Variants in IMMP2L observed in about 807,000 individuals in gnomAD.
The protein encoded by IMMP2L is inner mitochondrial membrane peptidase subunit 2.
Under a neutral mutation model 19.3 loss-of-function variants are expected in IMMP2L, and 18 were observed. That is an observed-to-expected ratio of 0.93 (90% confidence interval 0.64 to 1.38). The LOEUF is 1.38. IMMP2L is among the 40% of genes most tolerant of loss of function. The pLI is 0.00. For missense variants in IMMP2L, 233 were observed against 218.2 expected (o/e 1.07, Z -0.43); for synonymous variants, 76 against 73.0 (o/e 1.04, Z -0.21).
intron 3 of IMMP2L, among the ~76,000 whole-genome samples, chr7:111,186,071 G>A (rs189442045): frequency 2.0e-5 from 3 of 152,040 alleles, no homozygotes; most frequent in African/African-American, 7.2e-5. Flanking sequence ...AAATTTTAAA[G>A]TATTTTGCTA....
chr7:111,142,011 T>C (rs1245661420), intron 3 of IMMP2L, among the ~76,000 whole-genome samples: 1 of 152,170 alleles, frequency 6.6e-6, no homozygotes. Context: ...AAGATCAGTA[T>C]TCAATTTTGC....
chr7:110,907,481 G>A (rs568657899), intron 4 of IMMP2L, among the ~76,000 whole-genome samples: 2 of 152,146 alleles, frequency 1.3e-5, no homozygotes, highest in Non-Finnish European at 2.9e-5. Flanking sequence ...CTGAGTCCAG[G>A]GTTTTTATGG....
At chr7:111,136,567 T>C (rs1320188263) in intron 3 of IMMP2L, among the ~76,000 whole-genome samples, 1 of 152,212 alleles carries the variant, frequency 6.6e-6, no homozygotes, top group Non-Finnish European at 1.5e-5. Flanking sequence ...CACTCTTCTC[T>C]GGATATGATT....
chr7:110,879,207 A>G (rs1234695285), intron 5 of IMMP2L, among the ~76,000 whole-genome samples: 1 of 152,094 alleles, frequency 6.6e-6, no homozygotes, highest in Non-Finnish European at 1.5e-5. Context: ...CCTGGTCAAC[A>G]TGGTGAAACC....
At chr7:111,466,337 G>C (rs1439208894) in intron 3 of IMMP2L, among the ~76,000 whole-genome samples, 1 of 152,068 alleles carries the variant, frequency 6.6e-6, no homozygotes, top group Non-Finnish European at 1.5e-5. Context: ...AAAACTTAAA[G>C]TATAATAAAA....
At chr7:110,826,927 T>A (rs191684117) in intron 5 of IMMP2L, among the ~76,000 whole-genome samples, 3 of 152,136 alleles carry the variant, frequency 2.0e-5, no homozygotes, top group Admixed American at 2.0e-4. Flanking sequence ...GTGAAACTGG[T>A]ATGTATTTTT....
At chr7:110,886,471 A>T in intron 5 of IMMP2L, 122 bp downstream of exon 5, 1 of 627,256 alleles carries the variant, frequency 1.6e-6, no homozygotes, top group African/African-American at 1.8e-5. Context: ...TCAAACATAA[A>T]CTATTCCAGT....
chr7:110,919,958 C>A (rs1202752706), intron 4 of IMMP2L, among the ~76,000 whole-genome samples: 2 of 152,124 alleles, frequency 1.3e-5, no homozygotes, highest in Non-Finnish European at 2.9e-5. Context: ...ACTTGGCTTG[C>A]TGAGTCTTCT....
intron 3 of IMMP2L, among the ~76,000 whole-genome samples, chr7:111,043,025 T>C (rs534967324): frequency 6.6e-6 from 1 of 152,280 alleles, no homozygotes; most frequent in African/African-American, 2.4e-5. Context: ...TTTCTATTTC[T>C]ACAGCTGATA....
At chr7:111,073,829 T>C (rs1035669214) in intron 3 of IMMP2L, among the ~76,000 whole-genome samples, 15 of 152,348 alleles carry the variant, frequency 9.8e-5, no homozygotes, top group Non-Finnish European at 1.9e-4. Flanking sequence ...TAATGGTCTG[T>C]ACACTAATGT....
Position 111,243,432 on chromosome 7 carries a change from T to C in IMMP2L, c.239+243806A>G, listed in dbSNP as rs1815411479. On this transcript the variant is annotated intron_variant, in intron 3 of 5. Coordinates refer to ENST00000405709, the MANE Select transcript of IMMP2L (RefSeq NM_032549.4). The stretch of plus-strand genomic sequence containing the variant: ...GTAATTTCCACAATAGGTTTTCCAG[T>C]CCTTCATGTTTTACATATATAATTT... 2.0e-5 allele frequency among the ~76,000 whole-genome samples: 3 copies of C among 151,994 alleles called. 1 individual carries two copies. The highest frequency in any genetic ancestry group is 4.1e-4 in the South Asian group (2 of 4,830).
chr7:110,918,392 T>A (rs187526974), intron 4 of IMMP2L, among the ~76,000 whole-genome samples: 1 of 152,058 alleles, frequency 6.6e-6, no homozygotes, highest in African/African-American at 2.4e-5. Flanking sequence ...ATAATCCCCT[T>A]ATTTAAGATG....
At chr7:111,268,172 T>C (rs1325539348) in intron 3 of IMMP2L, among the ~76,000 whole-genome samples, 1 of 152,112 alleles carries the variant, frequency 6.6e-6, no homozygotes, top group Non-Finnish European at 1.5e-5. Flanking sequence ...TATCTCTCTA[T>C]GTGTTATATA....
chr7:111,428,594 A>T (rs901826453), intron 3 of IMMP2L, among the ~76,000 whole-genome samples: 1 of 147,196 alleles, frequency 6.8e-6, no homozygotes, highest in Admixed American at 6.6e-5. Flanking sequence ...TCAAGTGTCT[A>T]TCAATTTTAC....
At position 111,148,486 on chromosome 7, in the gene IMMP2L, G is replaced by T. The variant is rs143362139; in HGVS notation, c.240-184921C>A. On this transcript the variant is annotated intron_variant, in intron 3 of 5. Coordinates refer to ENST00000405709, the MANE Select transcript of IMMP2L (RefSeq NM_032549.4). Reference sequence around the variant, plus strand: ...AATATATTAACATTCATGGAATTACGTACATTAAAAGTGTGAAACCTACAG... The same window carrying T: ...AATATATTAACATTCATGGAATTACTTACATTAAAAGTGTGAAACCTACAG... 5.8e-3 allele frequency among the ~76,000 whole-genome samples: 885 copies of T among 152,024 alleles called. 4 individuals carry two copies. The highest frequency in any genetic ancestry group is 8.5e-3 in the Non-Finnish European group (581 of 67,966).
intron 5 of IMMP2L, among the ~76,000 whole-genome samples, chr7:110,846,962 C>T (rs1372612621): frequency 6.6e-6 from 1 of 152,132 alleles, no homozygotes; most frequent in African/African-American, 2.4e-5. Flanking sequence ...CAAAGGTCTC[C>T]TCAAACTACT....
At chr7:110,851,872 T>C (rs180682564) in intron 5 of IMMP2L, among the ~76,000 whole-genome samples, 12 of 152,242 alleles carry the variant, frequency 7.9e-5, no homozygotes, top group Admixed American at 7.2e-4. Flanking sequence ...TCTAGCAATA[T>C]TTCTGGTTTC....
At chr7:111,398,193 G>A (rs1833060972) in intron 3 of IMMP2L, among the ~76,000 whole-genome samples, 1 of 151,952 alleles carries the variant, frequency 6.6e-6, no homozygotes. Context: ...ACTACTGACT[G>A]ATATCCTTGA....
chr7:111,396,980 C>T (rs1264895157), intron 3 of IMMP2L, among the ~76,000 whole-genome samples: 2 of 151,838 alleles, frequency 1.3e-5, no homozygotes, highest in South Asian at 2.1e-4. Context: ...CCCAGCTACT[C>T]AGGAGGCTGA....
Sources: gnomAD v4.1 joint callset for allele counts (sites outside exome capture counted in the v4.1 genomes callset) on GRCh38, gnomAD v4.1.1 for gene constraint, MANE v1.5 for transcripts, NCBI Gene and HGNC (gene_info 2026-07-23, HGNC 2026-07-21) for gene names.